Variants in DIDO1 observed in about 807,000 individuals in gnomAD.
The protein encoded by DIDO1 is death-inducer obliterator 1.
In DIDO1, 16 loss-of-function variants were observed where a neutral mutation model predicts 99.4. The ratio of observed to expected loss-of-function variants is 0.16; its 90% confidence interval spans 0.11 to 0.24. The LOEUF (loss-of-function observed/expected upper bound fraction) is 0.24, where lower values mean the gene tolerates loss of function less well. Ranked by LOEUF, DIDO1 falls within the 10% of genes least tolerant of loss-of-function variation. DIDO1 has a pLI of 1.00. For missense variants in DIDO1, 2,996 were observed against 3,014.0 expected (o/e 0.99, Z 0.14); for synonymous variants, 1,366 against 1,239.1 (o/e 1.10, Z -2.15).
rs756444710 is a variant in DIDO1 at position 62,880,302 on chromosome 20, G to A, written c.5654C>T (p.Ala1885Val). Residue 1885 changes from alanine (A) to valine (V), a missense_variant, in exon 16 of 16, where the codon GCG becomes GTG. Physicochemically the swap from Ala to Val is moderately conservative, Grantham distance 64. Transcript: ENST00000395343. ...TCTCTGGCCTCCGAACTGGAAAGGC[G>A]CGCCGCCTCTGCTTCCCAGAAATGG... is the stretch of plus-strand genomic sequence containing the variant. ...QAPFLGSRGG[A>V]PFQFGGQRRP... 1.9e-6 allele frequency: 3 copies of A among 1,612,772 alleles called. No homozygotes were observed. The highest frequency in any genetic ancestry group is 1.7e-5 in the Admixed American group (1 of 60,036).
At position 62,897,041 on chromosome 20, in the gene DIDO1, G is replaced by A. The variant is rs376806050; in HGVS notation, c.1589-45C>T. 4.6e-6 allele frequency: 7 copies of A among 1,535,250 alleles called. No homozygotes were observed. The African/African-American group carries it at 8.3e-5, about 18-fold the overall frequency. On this transcript the variant is annotated intron_variant, in intron 6 of 15. Transcript: ENST00000395343. ...CGCTGAGTAAGGGAGGACACCACAGGGTGCTGTCACCTGACTCTAAAAAGC... is the reference window on the plus strand; with the variant it reads ...CGCTGAGTAAGGGAGGACACCACAGAGTGCTGTCACCTGACTCTAAAAAGC...
intron 1 of DIDO1, among the ~76,000 whole-genome samples, chr20:62,922,125 CATATAT>C (rs1231803490): frequency 7.0e-6 from 1 of 143,488 alleles, no homozygotes; most frequent in African/African-American, 2.7e-5. Flanking sequence ...CACACACACA[CATATAT>C]ACATATATAC....
At chr20:62,926,008 C>T (rs1568890300) in intron 1 of DIDO1, among the ~76,000 whole-genome samples, 1 of 152,154 alleles carries the variant, frequency 6.6e-6, no homozygotes, top group Non-Finnish European at 1.5e-5. Flanking sequence ...CGCCGAGGTC[C>T]CCGAGAATGC....
At chr20:62,902,682 C>T (rs2064710548) in intron 6 of DIDO1, among the ~76,000 whole-genome samples, 1 of 152,224 alleles carries the variant, frequency 6.6e-6, no homozygotes. Context: ...CATTTCACCC[C>T]ACCAGGGCCA....
upstream of DIDO1, among the ~76,000 whole-genome samples, chr20:62,930,418 G>A (rs1422591311): frequency 6.6e-6 from 1 of 152,182 alleles, no homozygotes; most frequent in East Asian, 1.9e-4. Flanking sequence ...CCGGCAAGAT[G>A]GAAAAGGGCC....
rs928310860 is a variant in DIDO1, at chr20:62,881,432, C to T, written c.4524G>A (p.Gly1508=). 4 of 1,608,694 alleles carry T rather than the reference C, an allele frequency of 2.5e-6. No homozygotes were observed. Among genetic ancestry groups the T allele is most frequent in the Non-Finnish European group, 2.5e-6 (3 of 1,179,976 alleles). Residue 1508 remains glycine (G), a synonymous_variant, in exon 16 of 16, where the codon GGG becomes GGA. Transcript: ENST00000395343. This position sits in a 1 kb window ranked among gnomAD's most constrained non-coding sequence, Gnocchi z 8.3. ...EALRQQRAAV[G]VSMAHFSVSD... Reference sequence around the variant, plus strand: ...ACACCGAGAAGTGGGCCATGGAGACCCCGACGGCGGCCCTCTGCTGCCTGA... The same window carrying T: ...ACACCGAGAAGTGGGCCATGGAGACTCCGACGGCGGCCCTCTGCTGCCTGA...
intron 1 of DIDO1, among the ~76,000 whole-genome samples, chr20:62,916,696 T>TA (rs371184532): frequency 1.6e-4 from 24 of 152,286 alleles, no homozygotes; most frequent in African/African-American, 5.5e-4. Context: ...TCTGTTCCCA[T>TA]AGAGTGTTTC....
At chr20:62,936,465 G>A (rs1357004928) in intron 1 of DIDO1, among the ~76,000 whole-genome samples, 4 of 152,042 alleles carry the variant, frequency 2.6e-5, no homozygotes, top group Non-Finnish European at 5.9e-5. Flanking sequence ...TGAGGCAGGA[G>A]AATCACTTGA....
intron 15 of DIDO1, chr20:62,890,368 A>G (rs2064372873): frequency 2.0e-6 from 2 of 986,974 alleles, no homozygotes; most frequent in African/African-American, 1.7e-5. Flanking sequence ...ACAAAGATGT[A>G]TTTTAGGCTA....
intron 6 of DIDO1, among the ~76,000 whole-genome samples, chr20:62,901,183 C>A (rs1204818539): frequency 6.6e-6 from 1 of 152,152 alleles, no homozygotes; most frequent in Non-Finnish European, 1.5e-5. Context: ...AGACGCTCCT[C>A]AGAGGAGACC....
chr20:62,887,979 C>T, intron 15 of DIDO1: 1 of 985,474 alleles, frequency 1.0e-6, no homozygotes, highest in Non-Finnish European at 1.2e-6. Context: ...TATGCAAGGA[C>T]AAATGTCCTC....
intron 15 of DIDO1, chr20:62,889,210 C>A: frequency 2.0e-6 from 2 of 985,564 alleles, no homozygotes; most frequent in Non-Finnish European, 2.4e-6. Flanking sequence ...GCTGGGAGAC[C>A]TGTCCTTTCC....
intron 15 of DIDO1, among the ~76,000 whole-genome samples, chr20:62,884,717 C>T (rs567319770): frequency 2.6e-4 from 39 of 152,342 alleles, no homozygotes; most frequent in African/African-American, 9.4e-4. Context: ...CTCCACGGGA[C>T]ACTTCCTCCC....
In DIDO1 at chr20:62,879,640, G is replaced by T; in HGVS notation, c.6316C>A (p.Gln2106Lys). 6.2e-7 allele frequency: 1 copy of T among 1,606,674 alleles called. No homozygotes were observed. Among genetic ancestry groups the T allele is most frequent in the Non-Finnish European group, 8.5e-7 (1 of 1,179,752 alleles). ...KEKPLEEPDA[Q>K]GRASEDRRRE... ...CTCCTGTCCTCGGACGCCCGGCCCT[G>T]GGCGTCGGGCTCCTCCAGCGGCTTC... Residue 2106 changes from glutamine (Q) to lysine (K), a missense_variant, in exon 16 of 16, where the codon CAG (glutamine) becomes AAG (lysine). Physicochemically the swap from Gln to Lys is moderately conservative, Grantham distance 53. Transcript: ENST00000395343. The surrounding 1 kb of genome is among the most constrained non-coding windows in gnomAD (Gnocchi z 6.3).
At chr20:62,892,547 CAGCGAAACCGATCACTG>C (rs1351129114) in intron 13 of DIDO1, among the ~76,000 whole-genome samples, 2 of 152,192 alleles carry the variant, frequency 1.3e-5, no homozygotes, top group Non-Finnish European at 2.9e-5. Context: ...GTCAGTGCCC[CAGCGAAACCGATCACTG>C]AGAGGCCAGA....
Position 62,892,936 on chromosome 20 carries a change from T to A in DIDO1, c.3128A>T (p.Glu1043Val). 6.2e-7 allele frequency: 1 copy of A among 1,613,128 alleles called. No homozygotes were observed. Among genetic ancestry groups the A allele is most frequent in the Non-Finnish European group, 8.5e-7 (1 of 1,179,458 alleles). ...AGACAAAAAGAGGGTCGTGTCTCCC[T>A]CTGGAGGGGAACGTGATTCTGAAGT... ...ISTSESRSPPEGDTTLFLSRL... is the reference protein window; with the variant it reads ...ISTSESRSPPVGDTTLFLSRL... The change falls in exon 13 of 16, where the codon GAG becomes GTG. Residue 1043 changes from glutamate (E) to valine (V), a missense_variant. Transcript: ENST00000395343.
intron 1 of DIDO1, among the ~76,000 whole-genome samples, chr20:62,922,946 CACAA>C (rs1275929452): frequency 6.6e-6 from 1 of 152,036 alleles, no homozygotes; most frequent in Non-Finnish European, 1.5e-5. Flanking sequence ...ACAAACTGAA[CACAA>C]ACTAACAGAC....
In DIDO1 at chr20:62,896,700, G is replaced by C. The variant is rs773154418; in HGVS notation, c.1885C>G (p.Pro629Ala). 1 of 1,613,920 alleles carries C rather than the reference G, an allele frequency of 6.2e-7. No individual in the cohort carries two copies. Among genetic ancestry groups the C allele is most frequent in the Non-Finnish European group, 8.5e-7 (1 of 1,179,918 alleles). ...GCTCCCACCAAAGCAGCGGAGCCAG[G>C]GAACTTCTTGGAGGCAGCCGTTGCC... ...AAATAASKKF[P>A]GSAALVGAVR... Residue 629 changes from proline (P) to alanine (A), a missense_variant, in exon 7 of 16, where the codon CCT becomes GCT. Physicochemically the swap from Pro to Ala is conservative, Grantham distance 27. This residue lies in a region of DIDO1 where 898 missense variants were observed against 972.7 expected (regional missense o/e 0.92). Transcript: ENST00000395343. The surrounding 1 kb of genome is among the most constrained non-coding windows in gnomAD (Gnocchi z 4.4).
chr20:62,925,584 T>C (rs926940308), intron 1 of DIDO1, among the ~76,000 whole-genome samples: 1 of 152,232 alleles, frequency 6.6e-6, no homozygotes, highest in Non-Finnish European at 1.5e-5. Context: ...CGCAGTAAGC[T>C]ACTGCTACCT....
Sources: allele counts gnomAD v4.1 joint callset (sites outside exome capture counted in the v4.1 genomes callset), GRCh38; gene constraint gnomAD v4.1.1; regional missense constraint gnomAD v4.1.1; non-coding constraint Gnocchi (gnomAD v3.1); transcripts MANE v1.5; gene names NCBI Gene and HGNC (gene_info 2026-07-23, HGNC 2026-07-21).